Variants in UPRT observed in about 807,000 individuals in gnomAD.
UPRT encodes the protein RP11-311P8.3.
UPRT carries 5 observed loss-of-function variants against 22.6 expected under a neutral mutation model. The ratio of observed to expected loss-of-function variants is 0.22; its 90% CI spans 0.12 to 0.47. UPRT has a LOEUF of 0.47. UPRT is among the 20% of genes least tolerant of loss of function. UPRT has a pLI of 0.99. For missense variants in UPRT, 181 were observed against 239.9 expected, an observed-to-expected ratio of 0.75 and a Z score of 1.62; for synonymous variants, 77 against 87.7, an observed-to-expected ratio of 0.88 and a Z score of 0.68.
In UPRT at chrX:75,182,204, C is replaced by T. The variant is rs1459320495; in HGVS notation, c.-447+14325C>T. Among the ~76,000 whole-genome samples the T allele has an allele frequency of 6.2e-5, 7 of 112,019 alleles. No individual in the cohort carries two copies. The South Asian group carries it at 1.8e-3, about 30-fold the overall frequency. On this transcript the variant is annotated intron_variant, in intron 4 of 13. Coordinates refer to the UPRT transcript ENST00000652605. ...CCAACCCCACATCCTGGGGATAAAGCGTACTTGATCATGGTGGATTAGCAT... is the reference window on the plus strand; with the variant it reads ...CCAACCCCACATCCTGGGGATAAAGTGTACTTGATCATGGTGGATTAGCAT...
At chrX:75,293,403 T>C in intron 1 of UPRT, 69 bp from the exon 2 acceptor site, 1 of 1,009,382 alleles carries the variant, frequency 9.9e-7, no homozygotes, top group Non-Finnish European at 1.4e-6. Flanking sequence ...TCAGTGTTAC[T>C]GTACATATTA....
At chrX:75,263,436 G>A (rs2082575804) in intron 4 of UPRT, among the ~76,000 whole-genome samples, 1 of 111,539 alleles carries the variant, frequency 9.0e-6, no homozygotes, top group African/African-American at 3.3e-5. Context: ...CTTCTTCCTG[G>A]TTTAGTCTTG....
At position 75,284,089 on chromosome X, in the gene UPRT, T is replaced by C. The variant is rs1468769999; in HGVS notation, c.387-9383T>C. On this transcript the variant is annotated intron_variant, in intron 1 of 6. Coordinates refer to ENST00000373383, the MANE Select transcript of UPRT (RefSeq NM_145052.4). The stretch of plus-strand genomic sequence containing the variant: ...TCTTCTACTTGTTCAATTCGGTTGC[T>C]GAGACTGTCCAGAACATTTCCCATA... Among the ~76,000 whole-genome samples the C allele has an allele frequency of 2.7e-5, 3 of 111,906 alleles. No individual in the cohort carries two copies. In the East Asian group the frequency reaches 8.5e-4, roughly 32 times the overall value.
At chrX:75,296,256 C>T (rs2082725408) in intron 2 of UPRT, 86 bp from the exon 3 acceptor site, 3 of 949,027 alleles carry the variant, frequency 3.2e-6, no homozygotes, top group Non-Finnish European at 3.0e-6. Context: ...GTGTTCATGA[C>T]TCTGCCTACT....
At chrX:75,171,331 C>T (rs779760776) in intron 4 of UPRT, among the ~76,000 whole-genome samples, 56 of 111,521 alleles carry the variant, frequency 5.0e-4, no homozygotes, top group African/African-American at 1.8e-3. Flanking sequence ...TCTTCGAGCT[C>T]TGAGGTTCTT....
intron 4 of UPRT, among the ~76,000 whole-genome samples, chrX:75,180,455 C>G: frequency 8.9e-6 from 1 of 112,029 alleles, no homozygotes; most frequent in Admixed American, 9.4e-5. Flanking sequence ...CTCTTTCCCA[C>G]TCTCACAGCT....
chrX:75,245,879 T>C (rs1024327203), intron 4 of UPRT, among the ~76,000 whole-genome samples: 3 of 111,279 alleles, frequency 2.7e-5, no homozygotes, highest in African/African-American at 9.8e-5. Context: ...AATCTGTATA[T>C]CAACCCATGT....
At chrX:75,296,706 GCTTAT>G (rs1195422784) in intron 3 of UPRT, among the ~76,000 whole-genome samples, 1 of 111,626 alleles carries the variant, frequency 9.0e-6, no homozygotes, top group African/African-American at 3.3e-5. Context: ...ATTGCTGGCA[GCTTAT>G]CTTCATCTCT....
At chrX:75,219,295 G>T (rs1433202949) in intron 4 of UPRT, among the ~76,000 whole-genome samples, 1 of 112,188 alleles carries the variant, frequency 8.9e-6, no homozygotes, top group African/African-American at 3.2e-5. Flanking sequence ...CATGGACACA[G>T]CTGGATTTAA....
intron 4 of UPRT, among the ~76,000 whole-genome samples, chrX:75,238,343 A>T (rs185101652): frequency 0.13 from 14,284 of 111,216 alleles, 1,582 homozygotes; most frequent in East Asian, 0.9. Flanking sequence ...CTTATATCAG[A>T]CAAAACAGAC....
chrX:75,281,607 A>G (rs1389206942), intron 1 of UPRT, among the ~76,000 whole-genome samples: 2 of 112,035 alleles, frequency 1.8e-5, no homozygotes, highest in Non-Finnish European at 3.8e-5. Context: ...CATCCCTGAT[A>G]TGAAACCCAC....
At position 75,251,089 on chromosome X, in the gene UPRT, A is replaced by AC. The variant is rs1278038166; in HGVS notation, c.-446-39932dup. The stretch of plus-strand genomic sequence containing the variant: ...AAATAATAAGAGCTATCTATGACAA[A>AC]CCCACAGCCAATATCATACTAAATG... On this transcript the variant is annotated intron_variant, in intron 4 of 13. Transcript: ENST00000652605. Among the ~76,000 whole-genome samples the AC allele has an allele frequency of 2.2e-4, 24 of 111,530 alleles. 1 individual carries two copies. The East Asian group carries it at 6.8e-3, about 31-fold the overall frequency.
chrX:75,158,577 C>G (rs1018998374), intron 1 of UPRT, among the ~76,000 whole-genome samples: 12 of 111,237 alleles, frequency 1.1e-4, no homozygotes, highest in African/African-American at 2.9e-4. Flanking sequence ...GAGACCAAAC[C>G]TAGGTTTTAT....
At chrX:75,183,453 C>T (rs760199787) in intron 4 of UPRT, among the ~76,000 whole-genome samples, 74 of 111,826 alleles carry the variant, frequency 6.6e-4, no homozygotes, top group African/African-American at 2.2e-3. Context: ...TCCAAGTCTT[C>T]GCTATTGTGA....
chrX:75,232,542 C>T (rs1241415806), intron 4 of UPRT, among the ~76,000 whole-genome samples: 1 of 112,459 alleles, frequency 8.9e-6, no homozygotes, highest in Non-Finnish European at 1.9e-5. Context: ...CCCTGTCTGA[C>T]AGCTTTGAAG....
At chrX:75,242,199 T>A (rs749999707) in intron 4 of UPRT, among the ~76,000 whole-genome samples, 13 of 111,673 alleles carry the variant, frequency 1.2e-4, no homozygotes, top group African/African-American at 4.2e-4. Flanking sequence ...TAAATGTGAA[T>A]CAACAGTATT....
chrX:75,183,357 C>CT (rs1012526408), intron 4 of UPRT, among the ~76,000 whole-genome samples: 1 of 111,429 alleles, frequency 9.0e-6, no homozygotes, highest in Non-Finnish European at 1.9e-5. Flanking sequence ...TGAACTCATC[C>CT]TTTTTTATGG....
intron 2 of UPRT, 67 bp from the exon 3 acceptor site, chrX:75,296,275 C>T: frequency 9.3e-7 from 1 of 1,075,478 alleles, no homozygotes; most frequent in African/African-American, 1.8e-5. Context: ...CTGTTCAGCT[C>T]CTGAAGCTAA....
intron 1 of UPRT, among the ~76,000 whole-genome samples, chrX:75,292,900 A>G (rs2082713379): frequency 8.9e-6 from 1 of 111,746 alleles, no homozygotes; most frequent in Non-Finnish European, 1.9e-5. Flanking sequence ...TACTCATTTG[A>G]AAAAACAGTC....
Sources: allele counts gnomAD v4.1 joint callset (sites outside exome capture counted in the v4.1 genomes callset), GRCh38; gene constraint gnomAD v4.1.1; transcripts MANE v1.5; gene names NCBI Gene and HGNC (gene_info 2026-07-23, HGNC 2026-07-21).